PILRB: variants seen among roughly 807,000 people sequenced by gnomAD.
The protein encoded by PILRB is paired immunoglobin like type 2 receptor beta.
A neutral mutation model predicts 20.5 loss-of-function variants in PILRB; 21 were observed. That is an observed-to-expected ratio of 1.02 (90% CI 0.72 to 1.47). The LOEUF is 1.47. Ranked by LOEUF, PILRB falls within the 40% of genes most tolerant of loss-of-function variation. The pLI is 0.00. For missense variants in PILRB, 253 were observed against 272.1 expected (o/e 0.93, Z 0.49); for synonymous variants, 133 against 115.1 (o/e 1.16, Z -0.99).
chr7:100,365,395 T>C (rs13236234), intron 3 of PILRB, among the ~76,000 whole-genome samples: 22,394 of 152,262 alleles, frequency 0.15, 1,697 homozygotes, highest in Non-Finnish European at 0.17. Context: ...CACAAAAAGA[T>C]AAATACTGTC....
At chr7:100,359,269 C>T (rs1419911797) in intron 2 of PILRB, 68 bp from the exon 3 acceptor site, 2 of 1,559,824 alleles carry the variant, frequency 1.3e-6, no homozygotes, top group African/African-American at 2.7e-5. Flanking sequence ...GAAAGCAGCA[C>T]ACCATGCCTT....
rs778266390 is a variant in PILRB at position 100,367,347 on chromosome 7, A to G, written c.656-2A>G. The G allele has an allele frequency of 1.2e-5, 9 of 780,834 alleles. No homozygotes were observed. Among genetic ancestry groups the G allele is most frequent in the African/African-American group, 3.4e-5 (2 of 59,140 alleles). The allele number at this position is 780,834 out of a possible 1,614,324, so 48.4% of individuals were successfully genotyped here. A position where few individuals can be genotyped will look rare whatever the true frequency, so the allele number is the denominator to read the frequency against. On this transcript the variant is annotated splice_acceptor_variant, in intron 3 of 3. Coordinates refer to ENST00000609309, the MANE Select transcript of PILRB (RefSeq NM_178238.4). LOFTEE classifies it high-confidence loss of function. ...CATCTAAAAACACTTCCCCTCCTGCAGGTAGCAGGGCGCCAAGCAGTGACT... is the reference window on the plus strand; with the variant it reads ...CATCTAAAAACACTTCCCCTCCTGCGGGTAGCAGGGCGCCAAGCAGTGACT...
At chr7:100,363,802 G>A (rs1790597487) in intron 3 of PILRB, among the ~76,000 whole-genome samples, 1 of 152,094 alleles carries the variant, frequency 6.6e-6, no homozygotes, top group Non-Finnish European at 1.5e-5. Flanking sequence ...TCAAAACGAT[G>A]TGGTACTGAA....
intron 3 of PILRB, among the ~76,000 whole-genome samples, chr7:100,362,209 G>A (rs1268657584): frequency 6.6e-6 from 1 of 152,054 alleles, no homozygotes; most frequent in African/African-American, 2.4e-5. Flanking sequence ...CATTCTGTGA[G>A]GTCAGCAACA....
At position 100,358,215 on chromosome 7, in the gene PILRB, C is replaced by T. The variant is rs1790415763; in HGVS notation, c.-88C>T. 1 of 1,528,004 alleles carries T rather than the reference C, an allele frequency of 6.5e-7. No homozygotes were observed. The highest frequency in any genetic ancestry group is 9.0e-7 in the Non-Finnish European group (1 of 1,111,154). The allele number at this position is 1,528,004 out of a possible 1,614,324, so 94.7% of individuals were successfully genotyped here. ...CCTCACCCTGGCTCTCCCCACTCAC[C>T]TCAGCCCTCAGGCAGCCCCTCCACA... On this transcript the variant is annotated 5_prime_UTR_variant, in exon 1 of 4. Transcript: ENST00000609309.
At chr7:100,367,312 C>T (rs1790723106) in intron 3 of PILRB, 37 bp from the exon 4 acceptor site, 1 of 780,876 alleles carries the variant, frequency 1.3e-6, no homozygotes, top group Non-Finnish European at 2.4e-6. Context: ...CACTAATAAT[C>T]CTGGCCCTGC....
Position 100,358,168 on chromosome 7 carries a change from G to GC in PILRB, c.-130dup, listed in dbSNP as rs1790413266. On this transcript the variant is annotated 5_prime_UTR_variant, in exon 1 of 4. Transcript: ENST00000609309. ...TGTACTGGTTTGGGGAAGGTCCCCG[G>GC]CCCCCACAGCCCTCTGGGGAGCCTC... is the stretch of plus-strand genomic sequence containing the variant. The GC allele has an allele frequency of 2.1e-6, 2 of 962,186 alleles. No homozygotes were observed. The highest frequency in any genetic ancestry group is 1.6e-5 in the African/African-American group (1 of 62,150). 59.6% of individuals were successfully genotyped at this position (962,186 alleles called of 1,614,324 possible). A position where few individuals can be genotyped will look rare whatever the true frequency, so the allele number is the denominator to read the frequency against.
At chr7:100,366,303 G>A (rs1019308183) in intron 3 of PILRB, among the ~76,000 whole-genome samples, 4 of 152,106 alleles carry the variant, frequency 2.6e-5, no homozygotes, top group Admixed American at 2.6e-4. Flanking sequence ...AATGATACTA[G>A]CAGTTAATAT....
At chr7:100,361,714 T>G (rs1790532300) in intron 3 of PILRB, among the ~76,000 whole-genome samples, 1 of 151,916 alleles carries the variant, frequency 6.6e-6, no homozygotes, top group Non-Finnish European at 1.5e-5. Context: ...AAAGAAAGTC[T>G]TCAGTGAAAG....
intron 3 of PILRB, among the ~76,000 whole-genome samples, chr7:100,360,701 A>T (rs1246404126): frequency 2.0e-5 from 3 of 152,164 alleles, no homozygotes; most frequent in East Asian, 1.9e-4. Context: ...GGGTCAGTGC[A>T]GTGCAGGAGT....
rs1204432607 is a variant in PILRB, at chr7:100,359,428, G to T, written c.546G>T (p.Trp182Cys). 1 of 1,614,164 alleles carries T rather than the reference G, an allele frequency of 6.2e-7. No homozygotes were observed. The highest frequency in any genetic ancestry group is 2.2e-5 in the East Asian group (1 of 44,890). Residue 182 changes from tryptophan to cysteine, a missense_variant, in exon 3 of 4, where the codon TGG becomes TGT. Physicochemically the swap from Trp to Cys is radical, Grantham distance 215. Coordinates refer to ENST00000609309, the MANE Select transcript of PILRB (RefSeq NM_178238.4). ...AAAGCAAAGGGCACTCAGAATCATG[G>T]CACCTAAGTCTGGACACTGCCATCA... ...VTESKGHSESWHLSLDTAIRV... is the reference protein window; with the variant it reads ...VTESKGHSESCHLSLDTAIRV...
chr7:100,365,269 G>A (rs576848429), intron 3 of PILRB, among the ~76,000 whole-genome samples: 1 of 152,300 alleles, frequency 6.6e-6, no homozygotes, highest in South Asian at 2.1e-4. Context: ...CAAAGTGCTA[G>A]GATTATAGGC....
intron 3 of PILRB, among the ~76,000 whole-genome samples, chr7:100,362,780 A>G (rs1476051612): frequency 6.6e-6 from 1 of 152,148 alleles, no homozygotes; most frequent in East Asian, 1.9e-4. Context: ...AAGTGCTGGC[A>G]TTGCAGGCTG....
chr7:100,358,924 A>G lies in PILRB; in HGVS notation c.299A>G (p.Asn100Ser), dbSNP rs1183038977. Residue 100 changes from asparagine to serine, a missense_variant, in exon 2 of 4, where the codon AAC becomes AGC. Coordinates refer to ENST00000609309, the MANE Select transcript of PILRB (RefSeq NM_178238.4). ...GATTATGTGAACCGGCTCTTTCTGA[A>G]CTGGACAGAGGGTCAGGAGAGCGGC... Reference protein sequence around the residue: ...HKDYVNRLFLNWTEGQESGFL... With the variant: ...HKDYVNRLFLSWTEGQESGFL... 1.2e-6 allele frequency: 2 copies of G among 1,614,150 alleles called. No homozygotes were observed. The highest frequency in any genetic ancestry group is 1.7e-6 in the Non-Finnish European group (2 of 1,180,014).
At chr7:100,367,237 A>G (rs1385699728) in intron 3 of PILRB, 112 bp from the exon 4 acceptor site, 3 of 799,060 alleles carry the variant, frequency 3.8e-6, no homozygotes, top group Non-Finnish European at 6.9e-6. Context: ...CCTGCCACAA[A>G]TTCTCCTGAG....
At position 100,359,495 on chromosome 7, in the gene PILRB, G is replaced by C; in HGVS notation, c.613G>C (p.Gly205Arg). The change falls in exon 3 of 4, where the codon GGA (glycine) becomes CGA (arginine). Residue 205 changes from glycine to arginine, a missense_variant. Gly to Arg is a moderately radical substitution (Grantham distance 125, BLOSUM62 -2). Transcript: ENST00000609309. ...CGCTGTGCTCAAAACTGTCATTTTG[G>C]GACTGCTGTGCCTCCTCCTCCTGTG... ...AVAVLKTVILGLLCLLLLWWR... is the reference protein window; with the variant it reads ...AVAVLKTVILRLLCLLLLWWR... The C allele has an allele frequency of 6.2e-7, 1 of 1,611,580 alleles. No individual in the cohort carries two copies. The highest frequency in any genetic ancestry group is 8.5e-7 in the Non-Finnish European group (1 of 1,178,762).
Position 100,358,352 on chromosome 7 carries a change from C to T in PILRB, c.50C>T (p.Ala17Val), listed in dbSNP as rs766674824. 2.5e-6 allele frequency: 4 copies of T among 1,612,572 alleles called. No individual in the cohort carries two copies. Among genetic ancestry groups the T allele is most frequent in the Non-Finnish European group, 2.5e-6 (3 of 1,179,996 alleles). The change falls in exon 1 of 4, where the codon GCA becomes GTA. Residue 17 changes from alanine (A) to valine (V), a missense_variant. Coordinates refer to ENST00000609309, the MANE Select transcript of PILRB (RefSeq NM_178238.4). ...LPLLLLLQPPAFLQPGGSTGS... is the reference protein window; with the variant it reads ...LPLLLLLQPPVFLQPGGSTGS... ...CTGCTGCTCCTGCTGCAGCCGCCAG[C>T]ATTTCTGCAGCCTGGTGAGTACCCA...
chr7:100,360,547 A>G (rs546445524), intron 3 of PILRB, among the ~76,000 whole-genome samples: 20 of 152,272 alleles, frequency 1.3e-4, no homozygotes, highest in Non-Finnish European at 2.2e-4. Flanking sequence ...TGAAGGAGGC[A>G]GGAGAGGAGA....
At position 100,359,089 on chromosome 7, in the gene PILRB, G is replaced by T; in HGVS notation, c.454+10G>T. 1 of 1,613,882 alleles carries T rather than the reference G, an allele frequency of 6.2e-7. No individual in the cohort carries two copies. Among genetic ancestry groups the T allele is most frequent in the Non-Finnish European group, 8.5e-7 (1 of 1,179,998 alleles). On this transcript the variant is annotated intron_variant, in intron 2 of 3. Transcript: ENST00000609309. ...CTCACCATCACCCAGGGTGAGTCCA[G>T]CTGCCCTGACACCTGCCTTGCCCAC...
Sources: gnomAD v4.1 joint callset for allele counts (sites outside exome capture counted in the v4.1 genomes callset) on GRCh38, gnomAD v4.1.1 for gene constraint, MANE v1.5 for transcripts, NCBI Gene and HGNC (gene_info 2026-07-23, HGNC 2026-07-21) for gene names.